Variants in PGAP4 observed in about 807,000 individuals in gnomAD.
PGAP4 encodes post-GPI attachment to proteins GalNAc transferase 4, also known as GPI-N-acetylgalactosamine transferase PGAP4.
PGAP4 carries 12 observed loss-of-function variants against 28.2 expected under a neutral mutation model. The observed-to-expected ratio is 0.42, with a 90% CI of 0.27 to 0.69. The LOEUF (loss-of-function observed/expected upper bound fraction) is 0.69, where lower values mean the gene tolerates loss of function less well. Among genes scored for constraint, PGAP4 ranks in the 30% least tolerant of loss-of-function variants. The pLI is 0.22. For missense variants in PGAP4, 425 were observed against 513.5 expected, an observed-to-expected ratio of 0.83 and a Z score of 1.67; for synonymous variants, 205 against 211.8, an observed-to-expected ratio of 0.97 and a Z score of 0.28.
intron 1 of PGAP4, among the ~76,000 whole-genome samples, chr9:101,483,592 GAATT>G (rs944031005): frequency 1.6e-3 from 247 of 151,934 alleles, no homozygotes; most frequent in African/African-American, 5.6e-3. Flanking sequence ...GTTGGTACCA[GAATT>G]AATATGTAAA....
At chr9:101,500,415 C>G (rs1826786525) in intron 2 of PGAP4, among the ~76,000 whole-genome samples, 2 of 152,062 alleles carry the variant, frequency 1.3e-5, no homozygotes, top group South Asian at 4.1e-4. Context: ...ACTACTAACT[C>G]TGACTCTCCT....
At position 101,476,550 on chromosome 9, in the gene PGAP4, G is replaced by A. The variant is rs1291769655; in HGVS notation, c.543C>T (p.Thr181=). Reference sequence around the variant, plus strand: ...CCTGCTTCTCTTTCTCAAACGAGTTGGTCGAAGGGTCATCACCATAATCAT... The same window carrying A: ...CCTGCTTCTCTTTCTCAAACGAGTTAGTCGAAGGGTCATCACCATAATCAT... ...TEDDYGDDPS[T]NSFEKEKQDY... The change falls in exon 2 of 2, where the codon ACC becomes ACT. Residue 181 remains threonine (T), a synonymous_variant. Transcript: ENST00000374848. The surrounding 1 kb of genome is among the most constrained non-coding windows in gnomAD (Gnocchi z 7.0). 1 of 1,614,072 alleles carries A rather than the reference G, an allele frequency of 6.2e-7. No individual in the cohort carries two copies. The highest frequency in any genetic ancestry group is 1.3e-5 in the African/African-American group (1 of 74,912).
chr9:101,525,135 G>T (rs763397221), intron 2 of PGAP4, among the ~76,000 whole-genome samples: 2 of 152,198 alleles, frequency 1.3e-5, no homozygotes, highest in Non-Finnish European at 2.9e-5. Context: ...TCCCAGTAAT[G>T]GGATTGCTGG....
At chr9:101,520,384 T>C (rs1826979007) in intron 2 of PGAP4, among the ~76,000 whole-genome samples, 1 of 152,230 alleles carries the variant, frequency 6.6e-6, no homozygotes, top group African/African-American at 2.4e-5. Context: ...CTATGATTTC[T>C]TTCAGCAGTG....
upstream of PGAP4, among the ~76,000 whole-genome samples, chr9:101,487,536 G>GA (rs1482374419): frequency 4.6e-5 from 7 of 152,164 alleles, no homozygotes; most frequent in African/African-American, 1.7e-4. Flanking sequence ...AAGCAAATAG[G>GA]AAAAAGATAC....
chr9:101,511,614 A>G (rs1426957267), intron 2 of PGAP4, among the ~76,000 whole-genome samples: 2 of 152,148 alleles, frequency 1.3e-5, no homozygotes, highest in Non-Finnish European at 2.9e-5. Context: ...TTCTTTATCC[A>G]TAATGGTATT....
chr9:101,486,124 G>C lies in PGAP4; in HGVS notation c.-78+825C>G, dbSNP rs1253243352. Reference sequence around the variant, plus strand: ...CCCCAAGACACCGCGAGCGCAGTGCGACACTAGCGACGCCGGAGCCAAGGG... The same window carrying C: ...CCCCAAGACACCGCGAGCGCAGTGCCACACTAGCGACGCCGGAGCCAAGGG... On this transcript the variant is annotated intron_variant, in intron 1 of 1. Coordinates refer to ENST00000374848, the MANE Select transcript of PGAP4 (RefSeq NM_032342.3). This position sits in a 1 kb window ranked among gnomAD's most constrained non-coding sequence, Gnocchi z 4.7. Among the ~76,000 whole-genome samples, 2 of 152,208 alleles carry C rather than the reference G, an allele frequency of 1.3e-5. No individual in the cohort carries two copies. The highest frequency in any genetic ancestry group is 4.8e-5 in the African/African-American group (2 of 41,452).
chr9:101,504,939 A>G (rs1481322153), intron 2 of PGAP4, among the ~76,000 whole-genome samples: 1 of 152,096 alleles, frequency 6.6e-6, no homozygotes, highest in Non-Finnish European at 1.5e-5. Flanking sequence ...CTCCTATGTT[A>G]GGATAAGTTG....
At chr9:101,531,195 T>TACACACACACACACAC (rs367760603) in intron 2 of PGAP4, 4 of 137,500 alleles carry the variant, frequency 2.9e-5, no homozygotes, top group East Asian at 2.2e-4. Flanking sequence ...AATCTCTTTC[T>TACACACACACACACAC]ACACACACAC....
At chr9:101,496,003 A>G (rs893669241) in intron 2 of PGAP4, among the ~76,000 whole-genome samples, 15 of 151,538 alleles carry the variant, frequency 9.9e-5, no homozygotes, top group African/African-American at 3.1e-4. Flanking sequence ...TGAGTGAACT[A>G]TATTATAGAG....
intron 2 of PGAP4, among the ~76,000 whole-genome samples, chr9:101,497,285 T>C (rs1452279894): frequency 6.6e-6 from 1 of 151,598 alleles, no homozygotes. Flanking sequence ...TTATAAGAAC[T>C]GAGATATTAG....
At position 101,475,784 on chromosome 9, in the gene PGAP4, A is replaced by C. The variant is rs975744218; in HGVS notation, c.*97T>G. The C allele has an allele frequency of 2.3e-6, 3 of 1,320,428 alleles. No homozygotes were observed. The Admixed American group carries it at 6.2e-5, about 27-fold the overall frequency. 81.8% of individuals were successfully genotyped at this position (1,320,428 alleles called of 1,614,324 possible). Reference sequence around the variant, plus strand: ...AGTGCCTATATCTCTAACAACAGTAAACAGTGAAATACCTGCAGGCAACCA... The same window carrying C: ...AGTGCCTATATCTCTAACAACAGTACACAGTGAAATACCTGCAGGCAACCA... On this transcript the variant is annotated 3_prime_UTR_variant, in exon 2 of 2. Coordinates refer to ENST00000374848, the MANE Select transcript of PGAP4 (RefSeq NM_032342.3).
At chr9:101,525,281 G>A (rs1461775443) in intron 2 of PGAP4, among the ~76,000 whole-genome samples, 1 of 152,086 alleles carries the variant, frequency 6.6e-6, no homozygotes, top group Non-Finnish European at 1.5e-5. Flanking sequence ...TTATTTACAC[G>A]TAAATAGCTG....
At chr9:101,522,599 T>C (rs1826998248) in intron 2 of PGAP4, among the ~76,000 whole-genome samples, 1 of 152,206 alleles carries the variant, frequency 6.6e-6, no homozygotes, top group South Asian at 2.1e-4. Flanking sequence ...TTTAAGTTTA[T>C]GTGAGTCGTT....
chr9:101,525,750 T>G (rs996375650), intron 2 of PGAP4, among the ~76,000 whole-genome samples: 3 of 150,338 alleles, frequency 2.0e-5, no homozygotes, highest in African/African-American at 2.4e-5. Context: ...ATAAATGTTA[T>G]GCATATATTC....
rs963972163 is a variant in PGAP4 at position 101,487,092 on chromosome 9, G to C, written c.-221C>G. 6.6e-6 allele frequency: 1 copy of C among 152,284 alleles called. No homozygotes were observed. The highest frequency in any genetic ancestry group is 2.4e-5 in the African/African-American group (1 of 41,460). The allele number at this position is 152,284 out of a possible 1,614,324, so 9.4% of individuals were successfully genotyped here. ...CAGCGCGGTTTGGGTGTGCGCCGGA[G>C]CCTCACCTCCTCCCGCCTCGCAGCT... On this transcript the variant is annotated 5_prime_UTR_variant, in exon 1 of 2. Coordinates refer to ENST00000374848, the MANE Select transcript of PGAP4 (RefSeq NM_032342.3).
intron 2 of PGAP4, among the ~76,000 whole-genome samples, chr9:101,494,802 G>A (rs1410843635): frequency 2.0e-5 from 3 of 151,546 alleles, no homozygotes; most frequent in Admixed American, 1.3e-4. Flanking sequence ...CAGTTGACAA[G>A]GAAACTAGTT....
At chr9:101,509,174 C>T (rs1028009427) in intron 2 of PGAP4, among the ~76,000 whole-genome samples, 2 of 152,156 alleles carry the variant, frequency 1.3e-5, no homozygotes, top group African/African-American at 4.8e-5. Flanking sequence ...AAGTAATGCT[C>T]AGACTCTTTT....
Position 101,476,734 on chromosome 9 carries a change from T to G in PGAP4, c.359A>C (p.Gln120Pro). Residue 120 changes from glutamine (Q) to proline (P), a missense_variant, in exon 2 of 2, where the codon CAG (glutamine) becomes CCG (proline). Physicochemically the swap from Gln to Pro is moderately conservative, Grantham distance 76. Coordinates refer to ENST00000374848, the MANE Select transcript of PGAP4 (RefSeq NM_032342.3). The surrounding 1 kb of genome is among the most constrained non-coding windows in gnomAD (Gnocchi z 7.0). Reference sequence around the variant, plus strand: ...AAGCCGGTGGAACTGGGACACAACCTGCAGGACGTAGTGGAAGCCAGGCTG... The same window carrying G: ...AAGCCGGTGGAACTGGGACACAACCGGCAGGACGTAGTGGAAGCCAGGCTG... ...DRQPGFHYVL[Q>P]VVSQFHRLLQ... 6.2e-7 allele frequency: 1 copy of G among 1,614,008 alleles called. No homozygotes were observed. The highest frequency in any genetic ancestry group is 8.5e-7 in the Non-Finnish European group (1 of 1,179,956).
Sources: gnomAD v4.1 joint callset for allele counts (sites outside exome capture counted in the v4.1 genomes callset) on GRCh38, gnomAD v4.1.1 for gene constraint, Gnocchi (gnomAD v3.1) non-coding constraint, MANE v1.5 for transcripts, NCBI Gene and HGNC (gene_info 2026-07-23, HGNC 2026-07-21) for gene names.